Variants in SSBP2 observed in about 807,000 individuals in gnomAD.
SSBP2 encodes the protein single stranded DNA binding protein 2.
Under a neutral mutation model 61.8 loss-of-function variants are expected in SSBP2, and 17 were observed. The observed-to-expected ratio is 0.28, with a 90% CI of 0.19 to 0.41. The LOEUF is 0.41. Among genes scored for constraint, SSBP2 ranks in the 10% least tolerant of loss-of-function variants. SSBP2 has a pLI of 1.00. For synonymous variants in SSBP2, 139 were observed against 141.3 expected (o/e 0.98, Z 0.12); for missense variants, 310 against 458.7 (o/e 0.68, Z 2.96).
rs2153864865 is a variant in SSBP2 at position 81,412,969 on chromosome 5, C to T, written c.*7535G>A. The T allele has an allele frequency of 6.6e-6, 1 of 152,160 alleles. No homozygotes were observed. Among genetic ancestry groups the T allele is most frequent in the Non-Finnish European group, 1.5e-5 (1 of 68,000 alleles). The allele number at this position is 152,160 out of a possible 1,614,324, so 9.4% of individuals were successfully genotyped here. ...CATATAGATCCTTTGATATTAGAAC[C>T]TCCTGAATTTTATATAAGGCATAAT... On this transcript the variant is annotated 3_prime_UTR_variant, in exon 17 of 17. Coordinates refer to ENST00000320672, the MANE Select transcript of SSBP2 (RefSeq NM_012446.5).
At chr5:81,650,538 A>C (rs1257318191) in intron 1 of SSBP2, among the ~76,000 whole-genome samples, 199 bp from the exon 2 acceptor site, 2 of 152,140 alleles carry the variant, frequency 1.3e-5, no homozygotes, top group Non-Finnish European at 2.9e-5. Context: ...GTAGCACATG[A>C]AGAAAAAGAC....
intron 1 of SSBP2, among the ~76,000 whole-genome samples, chr5:81,716,327 C>T (rs899250459): frequency 1.3e-5 from 2 of 152,166 alleles, no homozygotes; most frequent in African/African-American, 2.4e-5. Flanking sequence ...CTGACTGGTA[C>T]TCTTTAAACA....
chr5:81,710,835 C>T, intron 1 of SSBP2: 1 of 350,814 alleles, frequency 2.9e-6, no homozygotes, highest in Non-Finnish European at 5.7e-6. Flanking sequence ...AAGGAAAGAA[C>T]ATTACAGTCA....
chr5:81,576,496 A>T (rs1228891856), intron 4 of SSBP2, among the ~76,000 whole-genome samples: 1 of 152,064 alleles, frequency 6.6e-6, no homozygotes, highest in Admixed American at 6.5e-5. Context: ...GAGGTTCATT[A>T]ACAAGATCGC....
rs189942959 is a variant in SSBP2 at position 81,527,694 on chromosome 5, C to T, written c.283-13977G>A. Among the ~76,000 whole-genome samples the T allele has an allele frequency of 2.1e-3, 314 of 151,640 alleles. 2 individuals carry two copies. Among genetic ancestry groups the T allele is most frequent in the Admixed American group, 5.3e-3 (80 of 15,198 alleles). On this transcript the variant is annotated intron_variant, in intron 4 of 16. Transcript: ENST00000320672. Reference sequence around the variant, plus strand: ...AAATTAATGTGTTCTAATGAGAACACATGGACACAGGGAGGGGAACATCAC... The same window carrying T: ...AAATTAATGTGTTCTAATGAGAACATATGGACACAGGGAGGGGAACATCAC...
At chr5:81,547,849 T>C (rs1046065884) in intron 4 of SSBP2, among the ~76,000 whole-genome samples, 3 of 152,040 alleles carry the variant, frequency 2.0e-5, no homozygotes, top group Non-Finnish European at 4.4e-5. Flanking sequence ...TCCAAATATA[T>C]GATATTCTGG....
At chr5:81,705,557 C>T (rs1754313801) in intron 1 of SSBP2, among the ~76,000 whole-genome samples, 1 of 151,952 alleles carries the variant, frequency 6.6e-6, no homozygotes, top group Non-Finnish European at 1.5e-5. Flanking sequence ...CACACCAAGC[C>T]AATTAACTAC....
intron 4 of SSBP2, among the ~76,000 whole-genome samples, chr5:81,565,851 G>A (rs1447828578): frequency 6.6e-6 from 1 of 152,154 alleles, no homozygotes; most frequent in Non-Finnish European, 1.5e-5. Context: ...CTTCTCACAT[G>A]TTCAAAGAGG....
intron 4 of SSBP2, among the ~76,000 whole-genome samples, chr5:81,540,991 T>C (rs1156463393): frequency 6.6e-6 from 1 of 151,296 alleles, no homozygotes; most frequent in African/African-American, 2.4e-5. Flanking sequence ...ATGCAAACAA[T>C]GTGTGATTCT....
intron 1 of SSBP2, among the ~76,000 whole-genome samples, chr5:81,652,463 C>T (rs1441486978): frequency 6.6e-6 from 1 of 152,138 alleles, no homozygotes; most frequent in African/African-American, 2.4e-5. Context: ...AGGGTTTCAA[C>T]TGGAGATTCT....
In SSBP2 at chr5:81,542,403, C is replaced by T. The variant is rs1004475888; in HGVS notation, c.283-28686G>A. Among the ~76,000 whole-genome samples, 8 of 152,284 alleles carry T rather than the reference C, an allele frequency of 5.3e-5. No individual in the cohort carries two copies. In the East Asian group the frequency reaches 1.5e-3, roughly 29 times the overall value. The stretch of plus-strand genomic sequence containing the variant: ...ATCATTCAACCCAGCAATCCCATTA[C>T]TTGGCATAAAACCAAAAGTCAATAA... On this transcript the variant is annotated intron_variant, in intron 4 of 16. Transcript: ENST00000320672.
At chr5:81,634,403 T>C (rs187290794) in intron 3 of SSBP2, among the ~76,000 whole-genome samples, 12 of 152,302 alleles carry the variant, frequency 7.9e-5, no homozygotes, top group Non-Finnish European at 1.0e-4. Context: ...TAAATGTATT[T>C]GATTGAAGTC....
chr5:81,679,060 A>C (rs956315782), intron 1 of SSBP2, among the ~76,000 whole-genome samples: 2 of 152,210 alleles, frequency 1.3e-5, no homozygotes, highest in Non-Finnish European at 2.9e-5. Flanking sequence ...CCCAGGCTGA[A>C]GTGCAAAGGC....
intron 6 of SSBP2, among the ~76,000 whole-genome samples, chr5:81,475,175 T>A (rs1238331289): frequency 1.3e-5 from 2 of 152,174 alleles, no homozygotes; most frequent in African/African-American, 4.8e-5. Flanking sequence ...CTAACAGTTG[T>A]CTCAGCAGTA....
intron 1 of SSBP2, among the ~76,000 whole-genome samples, chr5:81,662,039 A>G (rs1391882411): frequency 6.6e-6 from 1 of 152,204 alleles, no homozygotes; most frequent in Non-Finnish European, 1.5e-5. Context: ...ATGAGGGTCT[A>G]ATTTCATTCT....
At chr5:81,615,606 T>C (rs1487590161) in intron 3 of SSBP2, 49 bp from the exon 4 acceptor site, 1 of 1,222,080 alleles carries the variant, frequency 8.2e-7, no homozygotes. Flanking sequence ...AACACCAATA[T>C]GAGAAATCAC....
chr5:81,670,513 A>G (rs1751509792), intron 1 of SSBP2, among the ~76,000 whole-genome samples: 1 of 152,184 alleles, frequency 6.6e-6, no homozygotes, highest in African/African-American at 2.4e-5. Flanking sequence ...GAACAAGTTT[A>G]CTGTAACAAT....
At chr5:81,509,724 A>G (rs1386678198) in intron 5 of SSBP2, among the ~76,000 whole-genome samples, 1 of 152,198 alleles carries the variant, frequency 6.6e-6, no homozygotes, top group African/African-American at 2.4e-5. Flanking sequence ...ATAAACAGAA[A>G]TGACTTGTGT....
At chr5:81,531,109 A>T (rs1019666153) in intron 4 of SSBP2, among the ~76,000 whole-genome samples, 1 of 151,658 alleles carries the variant, frequency 6.6e-6, no homozygotes, top group Non-Finnish European at 1.5e-5. Context: ...ATGGTGGTGC[A>T]TGCCTATAGT....
Sources: gnomAD v4.1 joint callset for allele counts (sites outside exome capture counted in the v4.1 genomes callset) on GRCh38, gnomAD v4.1.1 for gene constraint, MANE v1.5 for transcripts, NCBI Gene and HGNC (gene_info 2026-07-23, HGNC 2026-07-21) for gene names.